MACROD2: variants seen among roughly 807,000 people sequenced by gnomAD.
MACROD2 encodes the protein mono-ADP ribosylhydrolase 2.
MACROD2 carries 36 observed loss-of-function variants against 70.4 expected under a neutral mutation model. The ratio of observed to expected loss-of-function variants is 0.51; its 90% CI spans 0.39 to 0.68. MACROD2 has a LOEUF of 0.68. Among genes scored for constraint, MACROD2 ranks in the 30% least tolerant of loss-of-function variants. The pLI, the probability that MACROD2 is intolerant of heterozygous loss-of-function variation, is 0.00. For synonymous variants in MACROD2, 172 were observed against 178.8 expected (o/e 0.96, Z 0.30); for missense variants, 496 against 538.4 (o/e 0.92, Z 0.78).
chr20:14,302,036 T>C (rs2082479344), intron 3 of MACROD2, among the ~76,000 whole-genome samples: 1 of 152,244 alleles, frequency 6.6e-6, no homozygotes, highest in Non-Finnish European at 1.5e-5. Flanking sequence ...TAGTTTTCTG[T>C]TGCTATATAA....
chr20:15,958,787 G>C (rs574737367), intron 12 of MACROD2, among the ~76,000 whole-genome samples: 15 of 152,274 alleles, frequency 9.9e-5, no homozygotes, highest in Non-Finnish European at 1.8e-4. Context: ...GGTTATGAGG[G>C]TTGGTCCCCA....
intron 6 of MACROD2, among the ~76,000 whole-genome samples, chr20:15,230,816 G>GAA (rs1418955286): frequency 1.3e-5 from 2 of 151,908 alleles, no homozygotes; most frequent in African/African-American, 2.4e-5. Context: ...ATTACACCAA[G>GAA]AAAATCAAAC....
chr20:14,057,424 G>C (rs2053643337), intron 2 of MACROD2, among the ~76,000 whole-genome samples: 1 of 152,146 alleles, frequency 6.6e-6, no homozygotes, highest in Non-Finnish European at 1.5e-5. Flanking sequence ...ATAAAGGACA[G>C]ACAACCCAAT....
chr20:14,002,495 A>T, intron 2 of MACROD2, 91 bp downstream of exon 2: 1 of 718,144 alleles, frequency 1.4e-6, no homozygotes, highest in Non-Finnish European at 2.3e-6. Context: ...CAATAAAGAG[A>T]TTACTATTTT....
intron 4 of MACROD2, among the ~76,000 whole-genome samples, chr20:14,670,996 C>T (rs1035383921): frequency 6.6e-6 from 1 of 152,104 alleles, no homozygotes; most frequent in Non-Finnish European, 1.5e-5. Flanking sequence ...TGCCTGGAAG[C>T]CCCACCTAAT....
At chr20:14,843,251 T>A (rs1328092063) in intron 5 of MACROD2, among the ~76,000 whole-genome samples, 1 of 150,306 alleles carries the variant, frequency 6.7e-6, no homozygotes, top group Non-Finnish European at 1.5e-5. Context: ...AGCCATTATC[T>A]AACTGAATGG....
At chr20:15,013,723 T>A (rs915570078) in intron 5 of MACROD2, among the ~76,000 whole-genome samples, 13 of 152,134 alleles carry the variant, frequency 8.5e-5, no homozygotes, top group Non-Finnish European at 1.5e-4. Context: ...GTCCCTTCCC[T>A]TCTATGGCAG....
intron 4 of MACROD2, among the ~76,000 whole-genome samples, chr20:14,557,242 C>T (rs1367757615): frequency 6.6e-6 from 1 of 151,898 alleles, no homozygotes; most frequent in East Asian, 1.9e-4. Context: ...GATCATAGAT[C>T]TAAGTGGAAG....
At chr20:14,128,074 G>T in intron 3 of MACROD2, 1 of 559,496 alleles carries the variant, frequency 1.8e-6, no homozygotes, top group South Asian at 1.4e-5. Flanking sequence ...ATGATGAGGG[G>T]AGTATTATCT....
At chr20:14,187,145 A>G (rs2081351990) in intron 3 of MACROD2, among the ~76,000 whole-genome samples, 1 of 150,690 alleles carries the variant, frequency 6.6e-6, no homozygotes, top group Non-Finnish European at 1.5e-5. Context: ...AAAGGAAAAA[A>G]AAAAAAAAAA....
At chr20:15,535,868 T>C (rs1318911057) in intron 8 of MACROD2, among the ~76,000 whole-genome samples, 4 of 152,358 alleles carry the variant, frequency 2.6e-5, no homozygotes, top group East Asian at 1.9e-4. Context: ...ACAATGCCTA[T>C]TGATAAATAT....
intron 2 of MACROD2, among the ~76,000 whole-genome samples, chr20:14,059,014 T>C (rs1327118560): frequency 1.3e-5 from 2 of 152,242 alleles, no homozygotes; most frequent in Non-Finnish European, 2.9e-5. Flanking sequence ...ATTGCTGTTA[T>C]GCAAACTGTT....
intron 4 of MACROD2, among the ~76,000 whole-genome samples, chr20:14,532,032 G>A (rs1350951995): frequency 2.0e-5 from 3 of 152,012 alleles, no homozygotes; most frequent in East Asian, 3.9e-4. Context: ...ACCATATGGT[G>A]ATTTCAATTT....
chr20:15,224,550 T>C (rs1463384553), intron 5 of MACROD2, among the ~76,000 whole-genome samples: 3 of 152,242 alleles, frequency 2.0e-5, no homozygotes, highest in Non-Finnish European at 1.5e-5. Flanking sequence ...ATTAAATTTT[T>C]ACATAGTCTT....
intron 4 of MACROD2, among the ~76,000 whole-genome samples, chr20:14,683,308 A>G (rs914517153): frequency 6.6e-6 from 1 of 152,222 alleles, no homozygotes; most frequent in East Asian, 1.9e-4. Context: ...AATGCCTTCC[A>G]TGCACAAAAT....
At chr20:15,139,809 C>T (rs931374525) in intron 5 of MACROD2, among the ~76,000 whole-genome samples, 1 of 152,144 alleles carries the variant, frequency 6.6e-6, no homozygotes, top group African/African-American at 2.4e-5. Context: ...AGGAGGCTCA[C>T]GACACCACAC....
chr20:14,355,967 G>A (rs1415929851), intron 3 of MACROD2, among the ~76,000 whole-genome samples: 1 of 152,136 alleles, frequency 6.6e-6, no homozygotes, highest in Non-Finnish European at 1.5e-5. Context: ...TGACCCAGCA[G>A]GGCCTGGGGC....
chr20:14,465,425 G>T (rs1000362572), intron 3 of MACROD2, among the ~76,000 whole-genome samples: 13 of 152,010 alleles, frequency 8.6e-5, no homozygotes, highest in Non-Finnish European at 2.9e-5. Context: ...GAGCCTTTCT[G>T]TGTTTCTGCA....
In MACROD2 at chr20:14,249,128, G is replaced by GTTT. The variant is rs1173672516; in HGVS notation, c.271+163420_271+163422dup. Among the ~76,000 whole-genome samples the GTTT allele has an allele frequency of 2.3e-3, 234 of 102,978 alleles. 3 individuals carry two copies. The highest frequency in any genetic ancestry group is 8.0e-3 in the African/African-American group (194 of 24,178). 67.6% of individuals were successfully genotyped at this position (102,978 alleles called of 152,430 possible). On this transcript the variant is annotated intron_variant, in intron 3 of 17. Coordinates refer to ENST00000684519, the MANE Select transcript of MACROD2 (RefSeq NM_001351661.2). ...GGTATTCTTTTCTATGATTTCAAAG[G>GTTT]TTTTTTTTTTTTTTTTTTTTTTGGT... is the stretch of plus-strand genomic sequence containing the variant.
Sources: gnomAD v4.1 joint callset for allele counts (sites outside exome capture counted in the v4.1 genomes callset) on GRCh38, gnomAD v4.1.1 for gene constraint, MANE v1.5 for transcripts, NCBI Gene and HGNC (gene_info 2026-07-23, HGNC 2026-07-21) for gene names.